ALDH7A1: variants seen among roughly 807,000 people sequenced by gnomAD.
ALDH7A1 encodes aldehyde dehydrogenase 7 family member A1, also known as alpha-aminoadipic semialdehyde dehydrogenase.
Under a neutral mutation model 79.9 loss-of-function variants are expected in ALDH7A1, and 63 were observed. The ratio of observed to expected loss-of-function variants is 0.79; its 90% CI spans 0.64 to 0.97. The LOEUF (loss-of-function observed/expected upper bound fraction) is 0.97. Ranked by LOEUF, ALDH7A1 falls within the 50% of genes least tolerant of loss-of-function variation. ALDH7A1 has a pLI of 0.00. For synonymous variants in ALDH7A1, 240 were observed against 231.2 expected (o/e 1.04, Z -0.34); for missense variants, 627 against 665.2 (o/e 0.94, Z 0.63).
chr5:126,592,859 T>A (rs1279778016), intron 2 of ALDH7A1, 130 bp from the exon 3 acceptor site: 2 of 905,238 alleles, frequency 2.2e-6, no homozygotes, highest in Non-Finnish European at 3.5e-6. Context: ...TGGCTGAGAA[T>A]GATTCCCACA....
intron 12 of ALDH7A1, chr5:126,554,737 C>T (rs1358194052): frequency 2.7e-6 from 1 of 365,544 alleles, no homozygotes; most frequent in Non-Finnish European, 5.3e-6. Context: ...CTATCAATTA[C>T]TCAAAGCACT....
chr5:126,588,144 CATA>C (rs899655597), intron 3 of ALDH7A1: 1 of 152,134 alleles, frequency 6.6e-6, no homozygotes, highest in African/African-American at 2.4e-5. Flanking sequence ...TAAGAAAGAT[CATA>C]ATGTCAGCTG....
rs1437011091 is a variant in ALDH7A1, at chr5:126,570,823, A to G, written c.732T>C (p.Pro244=). ...CACAAGTCAAGGAACAAATTGCACC[A>G]GGCAGCTTGTTGTCCTCCAGAACCT... ...IAKVLEDNKL[P]GAICSLTCGG... Residue 244 remains proline, a synonymous_variant, in exon 8 of 18, where the codon CCT becomes CCC. Transcript: ENST00000409134. The G allele has an allele frequency of 6.2e-7, 1 of 1,614,088 alleles. No homozygotes were observed. Among genetic ancestry groups the G allele is most frequent in the East Asian group, 2.2e-5 (1 of 44,878 alleles).
rs573938200 is a variant in ALDH7A1, at chr5:126,581,903, G to C, written c.517+948C>G. Reference sequence around the variant, plus strand: ...TGAGGCAGAAGAATCGCTTGAACCCGGGAGGTGGAGGTTGCAGTGAGCCAA... The same window carrying C: ...TGAGGCAGAAGAATCGCTTGAACCCCGGAGGTGGAGGTTGCAGTGAGCCAA... On this transcript the variant is annotated intron_variant, in intron 5 of 17. Transcript: ENST00000409134. 52 of 312,436 alleles carry C rather than the reference G, an allele frequency of 1.7e-4. No homozygotes were observed. In the Middle Eastern group the frequency reaches 2.6e-3, roughly 16 times the overall value. 19.4% of individuals were successfully genotyped at this position (312,436 alleles called of 1,614,324 possible).
chr5:126,574,154 A>C (rs1386436338), intron 7 of ALDH7A1, among the ~76,000 whole-genome samples: 2 of 152,044 alleles, frequency 1.3e-5, no homozygotes, highest in African/African-American at 4.8e-5. Flanking sequence ...CCATCCCAGC[A>C]CTTTGGGAGG....
intron 8 of ALDH7A1, chr5:126,569,913 G>C (rs963501285): frequency 2.6e-5 from 4 of 152,220 alleles, no homozygotes; most frequent in African/African-American, 9.7e-5. Context: ...AGTATGGGTT[G>C]TAAGACTTGA....
intron 7 of ALDH7A1, among the ~76,000 whole-genome samples, chr5:126,571,474 CAAA>C (rs66827025): frequency 1.7e-5 from 2 of 114,938 alleles, no homozygotes; most frequent in Admixed American, 9.4e-5. Context: ...GACTGTATCT[CAAA>C]AAAAAAAAAA....
chr5:126,586,186 TTA>T (rs1408234301), intron 3 of ALDH7A1: 1 of 152,228 alleles, frequency 6.6e-6, no homozygotes, highest in Admixed American at 6.5e-5. Flanking sequence ...CATCCACAAT[TTA>T]TATGTTTGCA....
chr5:126,581,861 C>A, intron 5 of ALDH7A1: 1 of 252,714 alleles, frequency 4.0e-6, no homozygotes. Context: ...ACCTGTAATC[C>A]CAGCTACTCA....
At chr5:126,579,925 A>G (rs1184734350) in intron 5 of ALDH7A1, 2 of 165,676 alleles carry the variant, frequency 1.2e-5, no homozygotes, top group Non-Finnish European at 2.9e-5. Flanking sequence ...ACACCACTGC[A>G]CTCCAGCCTG....
intron 9 of ALDH7A1, chr5:126,564,643 A>G: frequency 3.7e-6 from 4 of 1,082,416 alleles, no homozygotes; most frequent in Non-Finnish European, 4.8e-6. Flanking sequence ...CATGGCTGTT[A>G]CTACCAAAAG....
intron 3 of ALDH7A1, chr5:126,587,908 C>T (rs2112809426): frequency 6.6e-6 from 1 of 152,270 alleles, no homozygotes; most frequent in East Asian, 1.9e-4. Context: ...AACTCAATTG[C>T]TTAACTCAAA....
At chr5:126,594,219 C>G (rs1250806614) in intron 1 of ALDH7A1, 1 of 471,012 alleles carries the variant, frequency 2.1e-6, no homozygotes, top group Non-Finnish European at 4.4e-6. Flanking sequence ...AAGGAGTTCA[C>G]AGCCCAACGT....
In ALDH7A1 at chr5:126,577,231, G is replaced by A; in HGVS notation, c.518-20C>T. On this transcript the variant is annotated intron_variant, in intron 5 of 17. Coordinates refer to ENST00000409134, the MANE Select transcript of ALDH7A1 (RefSeq NM_001182.5). ...CAGATCCTGAGGACAGAAAAAGGAT[G>A]GAACATGCAGAAGCATGTTAATTTA... 1 of 1,613,836 alleles carries A rather than the reference G, an allele frequency of 6.2e-7. No homozygotes were observed. Among genetic ancestry groups the A allele is most frequent in the Non-Finnish European group, 8.5e-7 (1 of 1,179,900 alleles).
At chr5:126,559,032 A>G (rs181634072) in intron 11 of ALDH7A1, among the ~76,000 whole-genome samples, 3 of 152,156 alleles carry the variant, frequency 2.0e-5, no homozygotes, top group Non-Finnish European at 4.4e-5. Context: ...TGGAACCCCT[A>G]TTATCTTGGG....
At chr5:126,552,206 C>T (rs1750025704) in intron 13 of ALDH7A1, 69 bp from the exon 14 acceptor site, 7 of 1,125,344 alleles carry the variant, frequency 6.2e-6, no homozygotes, top group Non-Finnish European at 9.4e-6. Context: ...TCAGAGGATG[C>T]AATCTTTGCC....
chr5:126,556,101 A>T, intron 11 of ALDH7A1, 86 bp from the exon 12 acceptor site: 3 of 820,868 alleles, frequency 3.7e-6, no homozygotes, highest in Non-Finnish European at 4.1e-6. Context: ...AGTTACTGAA[A>T]TACTGTAATC....
intron 10 of ALDH7A1, among the ~76,000 whole-genome samples, chr5:126,560,176 A>G (rs1416013706): frequency 6.6e-6 from 1 of 152,178 alleles, no homozygotes; most frequent in Non-Finnish European, 1.5e-5. Context: ...TCTCTCTTTA[A>G]AAGTCCATCC....
rs528650908 is a variant in ALDH7A1 at position 126,584,779 on chromosome 5, G to A, written c.313-767C>T. 4.7e-5 allele frequency among the ~76,000 whole-genome samples: 7 copies of A among 149,490 alleles called. No individual in the cohort carries two copies. In the East Asian group the frequency reaches 1.2e-3, roughly 25 times the overall value. ...GATGCAGGAAATGAAGAGAATTAAA[G>A]AACTCAGGATAACTTCCCGCTCTCT... On this transcript the variant is annotated intron_variant, in intron 3 of 17. Transcript: ENST00000409134.
Sources: allele counts gnomAD v4.1 joint callset (sites outside exome capture counted in the v4.1 genomes callset), GRCh38; gene constraint gnomAD v4.1.1; transcripts MANE v1.5; gene names NCBI Gene and HGNC (gene_info 2026-07-23, HGNC 2026-07-21).